Variants in ADGRG6 observed in about 807,000 individuals in gnomAD.
ADGRG6 encodes adhesion G protein-coupled receptor G6.
Under a neutral mutation model 142.4 loss-of-function variants are expected in ADGRG6, and 84 were observed. The ratio of observed to expected loss-of-function variants is 0.59; its 90% CI spans 0.49 to 0.71. The LOEUF (loss-of-function observed/expected upper bound fraction) is 0.71. Among genes scored for constraint, ADGRG6 ranks in the 30% least tolerant of loss-of-function variants. ADGRG6 has a pLI of 0.00. For synonymous variants in ADGRG6, 521 were observed against 520.5 expected (o/e 1.00, Z -0.01); for missense variants, 1,367 against 1,466.6 (o/e 0.93, Z 1.11).
intron 6 of ADGRG6, among the ~76,000 whole-genome samples, chr6:142,386,957 G>A (rs972516136): frequency 2.0e-5 from 3 of 152,192 alleles, no homozygotes; most frequent in African/African-American, 7.2e-5. Flanking sequence ...ACCCCATGAA[G>A]ACAAGGGGAG....
intron 22 of ADGRG6, among the ~76,000 whole-genome samples, chr6:142,422,447 G>A (rs1776707549): frequency 6.6e-6 from 1 of 152,158 alleles, no homozygotes; most frequent in African/African-American, 2.4e-5. Flanking sequence ...AGTTTACTGA[G>A]AATGATGATT....
At chr6:142,351,134 C>G (rs968887298) in intron 2 of ADGRG6, among the ~76,000 whole-genome samples, 3 of 151,890 alleles carry the variant, frequency 2.0e-5, no homozygotes, top group Admixed American at 6.6e-5. Context: ...CCAGCTACTT[C>G]GGAGGCTGAG....
At position 142,408,237 on chromosome 6, in the gene ADGRG6, G is replaced by C; in HGVS notation, c.2356G>C (p.Val786Leu). Residue 786 changes from valine to leucine, a missense_variant, in exon 16 of 25, where the codon GTT becomes CTT. Transcript: ENST00000367609. Reference protein sequence around the residue: ...NITIQNLKDPVQIKIKHTRTQ... With the variant: ...NITIQNLKDPLQIKIKHTRTQ... ...TACTATCCAGAATCTGAAGGATCCT[G>C]TTCAAATAAAAATCAAACATACAAG... is the stretch of plus-strand genomic sequence containing the variant. 9 of 1,577,326 alleles carry C rather than the reference G, an allele frequency of 5.7e-6. No individual in the cohort carries two copies. The highest frequency in any genetic ancestry group is 7.8e-6 in the Non-Finnish European group (9 of 1,158,700).
rs1353310401 is a variant in ADGRG6, at chr6:142,393,927, A to C, written c.1393A>C (p.Lys465Gln). 7.0e-6 allele frequency: 11 copies of C among 1,563,376 alleles called. No individual in the cohort carries two copies. Among genetic ancestry groups the C allele is most frequent in the Middle Eastern group, 1.7e-4 (1 of 5,990 alleles). Reference sequence around the variant, plus strand: ...CCTGAGTGCTGGAGAGGACAAGATTAAAGTCAAGAGAAGCCTTGAGGATGA... The same window carrying C: ...CCTGAGTGCTGGAGAGGACAAGATTCAAGTCAAGAGAAGCCTTGAGGATGA... ...FHLSAGEDKIKVKRSLEDEPR... is the reference protein window; with the variant it reads ...FHLSAGEDKIQVKRSLEDEPR... Residue 465 changes from lysine to glutamine, a missense_variant, in exon 9 of 25, where the codon AAA (lysine) becomes CAA (glutamine). By Grantham distance (53) the Lys-to-Gln change is moderately conservative. Coordinates refer to ENST00000367609, the MANE Select transcript of ADGRG6 (RefSeq NM_198569.3).
intron 2 of ADGRG6, among the ~76,000 whole-genome samples, chr6:142,350,094 C>T (rs1259580283): frequency 6.6e-6 from 1 of 152,126 alleles, no homozygotes; most frequent in African/African-American, 2.4e-5. Flanking sequence ...AAAAATGATA[C>T]ACAGAAATCT....
rs550663402 is a variant in ADGRG6 at position 142,415,826 on chromosome 6, C to T, written c.2700C>T (p.Ile900=). ...TGCGAAGGGATTATCCCTCCAAAAT[C>T]TTGATGAACCTGAGCACAGCCCTGC... is the stretch of plus-strand genomic sequence containing the variant. ...EKLRRDYPSK[I]LMNLSTALLF... Residue 900 remains isoleucine, a synonymous_variant, in exon 20 of 25, where the codon ATC becomes ATT. Coordinates refer to ENST00000367609, the MANE Select transcript of ADGRG6 (RefSeq NM_198569.3). 1.2e-6 allele frequency: 2 copies of T among 1,612,496 alleles called. No homozygotes were observed. The highest frequency in any genetic ancestry group is 2.7e-5 in the African/African-American group (2 of 74,992).
intron 18 of ADGRG6, among the ~76,000 whole-genome samples, 189 bp from the exon 19 acceptor site, chr6:142,414,780 T>G (rs1045340782): frequency 6.6e-6 from 1 of 152,214 alleles, no homozygotes; most frequent in Non-Finnish European, 1.5e-5. Flanking sequence ...GAAGTAATGC[T>G]GCATTTTTTT....
At chr6:142,373,153 C>T (rs1781334376) in intron 4 of ADGRG6, among the ~76,000 whole-genome samples, 1 of 152,136 alleles carries the variant, frequency 6.6e-6, no homozygotes. Flanking sequence ...TAGTAAGTAG[C>T]CAAGCCAGGA....
At chr6:142,353,797 G>T (rs1780303998) in intron 2 of ADGRG6, among the ~76,000 whole-genome samples, 1 of 152,130 alleles carries the variant, frequency 6.6e-6, no homozygotes, top group Non-Finnish European at 1.5e-5. Context: ...GAATTGAAAG[G>T]CTGTACCTAA....
At chr6:142,392,081 G>C (rs1233354993) in intron 7 of ADGRG6, among the ~76,000 whole-genome samples, 1 of 151,850 alleles carries the variant, frequency 6.6e-6, no homozygotes, top group Non-Finnish European at 1.5e-5. Flanking sequence ...TAGTGTACCT[G>C]TTTCAAATTA....
At chr6:142,354,167 C>T (rs968307981) in intron 2 of ADGRG6, among the ~76,000 whole-genome samples, 2 of 152,110 alleles carry the variant, frequency 1.3e-5, no homozygotes, top group Non-Finnish European at 2.9e-5. Context: ...AGATTTTGCT[C>T]TTCTCATTTT....
chr6:142,415,779 C>CT lies in ADGRG6; in HGVS notation c.2670-11dup. 1 of 1,592,160 alleles carries CT rather than the reference C, an allele frequency of 6.3e-7. No homozygotes were observed. The highest frequency in any genetic ancestry group is 8.6e-7 in the Non-Finnish European group (1 of 1,162,074). On this transcript the variant is annotated splice_polypyrimidine_tract_variant and intron_variant, in intron 19 of 24. Coordinates refer to ENST00000367609, the MANE Select transcript of ADGRG6 (RefSeq NM_198569.3). The stretch of plus-strand genomic sequence containing the variant: ...ACAGTATTAGTTCTCTCATAGATTC[C>CT]TTTTTTCATTTTTTAGGAAATTGCG...
intron 10 of ADGRG6, among the ~76,000 whole-genome samples, chr6:142,399,900 C>A (rs1775413145): frequency 6.6e-6 from 1 of 152,130 alleles, no homozygotes; most frequent in African/African-American, 2.4e-5. Flanking sequence ...ATGAGGCTTA[C>A]TTAGAGAGTC....
At chr6:142,390,560 T>C (rs1053428268) in intron 7 of ADGRG6, among the ~76,000 whole-genome samples, 1 of 151,864 alleles carries the variant, frequency 6.6e-6, no homozygotes, top group African/African-American at 2.4e-5. Context: ...ACTATCAATG[T>C]CTTAAATAAG....
At chr6:142,430,475 C>G (rs1777155242) in intron 22 of ADGRG6, among the ~76,000 whole-genome samples, 1 of 152,060 alleles carries the variant, frequency 6.6e-6, no homozygotes, top group Admixed American at 6.5e-5. Flanking sequence ...CTTTTGATAA[C>G]CAGAAAGATA....
chr6:142,390,231 T>C (rs773601627), intron 6 of ADGRG6, 27 bp from the exon 7 acceptor site: 4 of 1,127,888 alleles, frequency 3.5e-6, no homozygotes, highest in South Asian at 1.4e-5. Flanking sequence ...ATATAATTAA[T>C]GGACTAATCC....
At chr6:142,366,631 T>TAG in intron 2 of ADGRG6, among the ~76,000 whole-genome samples, 1 of 152,214 alleles carries the variant, frequency 6.6e-6, no homozygotes, top group East Asian at 1.9e-4. Context: ...GGTGCACACC[T>TAG]GTAATCCTAG....
intron 2 of ADGRG6, among the ~76,000 whole-genome samples, chr6:142,354,440 C>T (rs1262539964): frequency 6.6e-6 from 1 of 152,112 alleles, no homozygotes; most frequent in African/African-American, 2.4e-5. Flanking sequence ...CAAATATAAT[C>T]CTCAGTTTGT....
intron 14 of ADGRG6, chr6:142,404,290 G>A (rs1030915038): frequency 7.0e-6 from 2 of 284,406 alleles, no homozygotes; most frequent in African/African-American, 4.6e-5. Flanking sequence ...GGGCCCCAAG[G>A]TGAAAAGAAG....
Sources: gnomAD v4.1 joint callset for allele counts (sites outside exome capture counted in the v4.1 genomes callset) on GRCh38, gnomAD v4.1.1 for gene constraint, MANE v1.5 for transcripts, NCBI Gene and HGNC (gene_info 2026-07-23, HGNC 2026-07-21) for gene names.